The following MRNIP variants were observed in gnomAD, a reference collection of about 807,000 sequenced individuals.
MRNIP encodes MRN complex interacting protein.
A neutral mutation model predicts 29.8 loss-of-function variants in MRNIP; 30 were observed. The observed-to-expected ratio is 1.01, with a 90% CI of 0.75 to 1.36. MRNIP has a LOEUF of 1.36. Among genes scored for constraint, MRNIP ranks in the 40% most tolerant of loss-of-function variants. The pLI, the probability that MRNIP is intolerant of heterozygous loss-of-function variation, is 0.00. For missense variants in MRNIP, 459 were observed against 423.5 expected, an observed-to-expected ratio of 1.08 and a Z score of -0.74; for synonymous variants, 201 against 164.1, an observed-to-expected ratio of 1.23 and a Z score of -1.72.
intron 1 of MRNIP, 45 bp downstream of exon 1, chr5:179,858,686 T>C: frequency 7.8e-7 from 1 of 1,284,442 alleles, no homozygotes; most frequent in Non-Finnish European, 1.1e-6. Flanking sequence ...CCCCGTCCGC[T>C]GTCCCCGCGC....
chr5:179,855,874 T>A (rs1040658502), intron 1 of MRNIP, among the ~76,000 whole-genome samples: 3 of 152,066 alleles, frequency 2.0e-5, no homozygotes, highest in Non-Finnish European at 4.4e-5. Flanking sequence ...AACTGTGGAT[T>A]TTCTATGAGT....
intron 1 of MRNIP, among the ~76,000 whole-genome samples, chr5:179,858,036 A>ATC (rs1759674259): frequency 1.5e-5 from 2 of 137,386 alleles, no homozygotes; most frequent in South Asian, 4.8e-4. Flanking sequence ...AAGAAGAAGA[A>ATC]GTCTGATGCT....
intron 3 of MRNIP, chr5:179,846,907 T>C (rs909814686): frequency 6.6e-6 from 1 of 152,118 alleles, no homozygotes; most frequent in Non-Finnish European, 1.5e-5. Context: ...CACACTGCCG[T>C]AGGTTTTGTC....
rs150786805 is a variant in MRNIP at position 179,837,449 on chromosome 5, C to A, written c.974G>T (p.Arg325Leu). The A allele has an allele frequency of 6.2e-7, 1 of 1,612,010 alleles. No homozygotes were observed. The highest frequency in any genetic ancestry group is 8.5e-7 in the Non-Finnish European group (1 of 1,178,692). ...GPLVLEAQNP[R>L]PTRLCDLFIT... is the part of the protein sequence containing the mutation. Reference sequence around the variant, plus strand: ...AAAGAGGTCACATAGTCGTGTGGGTCGAGGATTCTGTGCCTCCAGGACCAG... The same window carrying A: ...AAAGAGGTCACATAGTCGTGTGGGTAGAGGATTCTGTGCCTCCAGGACCAG... Residue 325 changes from arginine to leucine, a missense_variant, in exon 7 of 7, where the codon CGA (arginine) becomes CTA (leucine). Coordinates refer to ENST00000292586, the MANE Select transcript of MRNIP (RefSeq NM_016175.4).
At chr5:179,843,731 C>A (rs1286921516) in intron 4 of MRNIP, among the ~76,000 whole-genome samples, 1 of 150,678 alleles carries the variant, frequency 6.6e-6, no homozygotes, top group South Asian at 2.1e-4. Flanking sequence ...CAGAGTGAGA[C>A]CTCGTTTCAG....
chr5:179,846,759 A>G (rs918150856), intron 3 of MRNIP, among the ~76,000 whole-genome samples: 30 of 152,112 alleles, frequency 2.0e-4, no homozygotes, highest in African/African-American at 6.8e-4. Flanking sequence ...AATCTTAGAG[A>G]TATTTCCCCC....
intron 2 of MRNIP, among the ~76,000 whole-genome samples, chr5:179,850,088 C>T (rs6883858): frequency 0.11 from 16,292 of 151,380 alleles, 1,869 homozygotes; most frequent in African/African-American, 0.31. Context: ...ATGGCACAGG[C>T]AGATGGTACG....
At chr5:179,837,927 T>C (rs759688377) in intron 6 of MRNIP, 42 bp from the exon 7 acceptor site, 1 of 1,573,736 alleles carries the variant, frequency 6.4e-7, no homozygotes, top group Non-Finnish European at 8.6e-7. Context: ...GTAAGAACAA[T>C]GCCAGGGCCC....
At chr5:179,856,352 A>G (rs2113577476) in intron 1 of MRNIP, among the ~76,000 whole-genome samples, 1 of 152,300 alleles carries the variant, frequency 6.6e-6, no homozygotes. Flanking sequence ...TGTCTCTAAG[A>G]TGGGAATGAT....
At chr5:179,855,851 A>G (rs935761516) in intron 1 of MRNIP, among the ~76,000 whole-genome samples, 2 of 152,164 alleles carry the variant, frequency 1.3e-5, no homozygotes, top group East Asian at 1.9e-4. Flanking sequence ...CTTCTACCTT[A>G]AAACACCAAT....
intron 3 of MRNIP, chr5:179,847,488 C>T (rs1759186134): frequency 1.3e-5 from 2 of 155,154 alleles, no homozygotes; most frequent in South Asian, 3.9e-4. Context: ...TTCTTGTCAG[C>T]TCATCAGTGC....
intron 1 of MRNIP, among the ~76,000 whole-genome samples, chr5:179,857,849 T>A (rs1456374399): frequency 2.0e-5 from 3 of 151,910 alleles, no homozygotes; most frequent in Non-Finnish European, 4.4e-5. Flanking sequence ...CCTGTCTCTA[T>A]TAAAAACACA....
intron 2 of MRNIP, among the ~76,000 whole-genome samples, chr5:179,851,883 C>T (rs1029711475): frequency 4.6e-5 from 7 of 151,874 alleles, no homozygotes; most frequent in African/African-American, 1.5e-4. Context: ...GAGGCTGAGG[C>T]AGGAGAATGG....
chr5:179,841,925 T>G lies in MRNIP; in HGVS notation c.431A>C (p.Gln144Pro). Reference sequence around the variant, plus strand: ...TTGGTACCTTTTTCTAGGCAGGTCTTGACTGAAGCGGGGGCCTGGCTCCTC... The same window carrying G: ...TTGGTACCTTTTTCTAGGCAGGTCTGGACTGAAGCGGGGGCCTGGCTCCTC... ...KMEEPGPRFS[Q>P]DLPRKRKWSR... is the part of the protein sequence containing the mutation. The change falls in exon 5 of 7, where the codon CAA (glutamine) becomes CCA (proline). Residue 144 changes from glutamine to proline, a missense_variant. Physicochemically the swap from Gln to Pro is moderately conservative, Grantham distance 76. Coordinates refer to ENST00000292586, the MANE Select transcript of MRNIP (RefSeq NM_016175.4). 6.2e-7 allele frequency: 1 copy of G among 1,613,974 alleles called. No homozygotes were observed. The highest frequency in any genetic ancestry group is 8.5e-7 in the Non-Finnish European group (1 of 1,180,028).
chr5:179,841,177 T>G, intron 5 of MRNIP: 2 of 555,256 alleles, frequency 3.6e-6, no homozygotes, highest in Non-Finnish European at 6.4e-6. Context: ...AGTCAGGGTC[T>G]CACCGGCACC....
In MRNIP at chr5:179,840,902, A is replaced by G; in HGVS notation, c.507T>C (p.Gly169=). ...GGGGTCCCCAGGCGACCTCAGAGCCACCCGAGTCCTGCACGCCACGGCTGC... is the reference window on the plus strand; with the variant it reads ...GGGGTCCCCAGGCGACCTCAGAGCCGCCCGAGTCCTGCACGCCACGGCTGC... ...PPCSRGVQDS[G]GSEVAWGPQK... The change falls in exon 6 of 7, where the codon GGT becomes GGC. Residue 169 remains glycine, a synonymous_variant. Transcript: ENST00000292586. The G allele has an allele frequency of 1.9e-6, 3 of 1,612,020 alleles. No homozygotes were observed. Among genetic ancestry groups the G allele is most frequent in the Non-Finnish European group, 2.5e-6 (3 of 1,179,296 alleles).
At chr5:179,842,407 G>A (rs115045377) in intron 4 of MRNIP, among the ~76,000 whole-genome samples, 3,877 of 152,020 alleles carry the variant, frequency 0.026, 170 homozygotes, top group African/African-American at 0.089. Context: ...GTAGCCGGGC[G>A]CGGTGGCTCA....
chr5:179,839,838 G>C (rs1758800387), intron 6 of MRNIP: 1 of 152,396 alleles, frequency 6.6e-6, no homozygotes, highest in Admixed American at 6.5e-5. Flanking sequence ...GAAGCTTCAA[G>C]AACAAGACAA....
intron 2 of MRNIP, 181 bp downstream of exon 2, chr5:179,853,197 C>T: frequency 1.3e-6 from 2 of 1,526,814 alleles, no homozygotes; most frequent in Non-Finnish European, 1.8e-6. Flanking sequence ...ATGGCAGTAC[C>T]TTTCCAGATT....
Sources: gnomAD v4.1 joint callset for allele counts (sites outside exome capture counted in the v4.1 genomes callset) on GRCh38, gnomAD v4.1.1 for gene constraint, MANE v1.5 for transcripts, NCBI Gene and HGNC (gene_info 2026-07-23, HGNC 2026-07-21) for gene names.